Variants in HDAC9 observed in about 807,000 individuals in gnomAD.
HDAC9 encodes MEF-2 interacting transcription repressor (MITR) protein.
Under a neutral mutation model 139.4 loss-of-function variants are expected in HDAC9, and 41 were observed. The ratio of observed to expected loss-of-function variants is 0.29; its 90% confidence interval spans 0.23 to 0.38. HDAC9 has a LOEUF of 0.38. Among genes scored for constraint, HDAC9 ranks in the 10% least tolerant of loss-of-function variants. The pLI, the probability that HDAC9 is intolerant of heterozygous loss-of-function variation, is 1.00. For synonymous variants in HDAC9, 517 were observed against 476.2 expected, an observed-to-expected ratio of 1.09 and a Z score of -1.12; for missense variants, 1,147 against 1,297.0, an observed-to-expected ratio of 0.88 and a Z score of 1.78.
intron 22 of HDAC9, among the ~76,000 whole-genome samples, chr7:18,926,136 G>T (rs1045888056): frequency 6.6e-6 from 1 of 152,064 alleles, no homozygotes; most frequent in African/African-American, 2.4e-5. Flanking sequence ...ATTGCTTCAG[G>T]CCAGGAGTTC....
chr7:18,408,119 A>G (rs1168798683), intron 1 of HDAC9, among the ~76,000 whole-genome samples: 19 of 152,176 alleles, frequency 1.2e-4, no homozygotes, highest in Non-Finnish European at 5.9e-5. Context: ...ATAAGTGTTA[A>G]TACTTATTAG....
intron 2 of HDAC9, among the ~76,000 whole-genome samples, chr7:18,181,692 C>G (rs1584499726): frequency 6.6e-6 from 1 of 152,080 alleles, no homozygotes; most frequent in Non-Finnish European, 1.5e-5. Context: ...CAGGCCTTTA[C>G]AAACTACTCA....
At chr7:18,197,387 A>G (rs985951446) in intron 2 of HDAC9, among the ~76,000 whole-genome samples, 1 of 152,170 alleles carries the variant, frequency 6.6e-6, no homozygotes, top group Non-Finnish European at 1.5e-5. Context: ...GTCAATTTTG[A>G]TGGAAAATAT....
chr7:18,142,238 A>C (rs1785951977), intron 1 of HDAC9, among the ~76,000 whole-genome samples: 1 of 152,174 alleles, frequency 6.6e-6, no homozygotes, highest in South Asian at 2.1e-4. Context: ...AGGATTAGAC[A>C]TGTCTTAATT....
chr7:18,638,239 A>T (rs2129002266), intron 8 of HDAC9, among the ~76,000 whole-genome samples: 1 of 152,204 alleles, frequency 6.6e-6, no homozygotes, highest in South Asian at 2.1e-4. Context: ...AGCCCATGTA[A>T]ATGAATGGGA....
intron 1 of HDAC9, among the ~76,000 whole-genome samples, chr7:18,349,342 ACACACACACACAC>A (rs1782674316): frequency 6.6e-6 from 1 of 151,140 alleles, no homozygotes. Flanking sequence ...ACACACACAC[ACACACACACACAC>A]ACACACAGAT....
chr7:18,671,637 G>A (rs1432385590), intron 12 of HDAC9, among the ~76,000 whole-genome samples: 1 of 151,854 alleles, frequency 6.6e-6, no homozygotes, highest in Admixed American at 6.6e-5. Context: ...TCATGGTGCT[G>A]TGCAGCCATC....
intron 2 of HDAC9, among the ~76,000 whole-genome samples, chr7:18,229,477 C>T (rs1403426855): frequency 6.6e-6 from 1 of 152,160 alleles, no homozygotes; most frequent in Non-Finnish European, 1.5e-5. Flanking sequence ...GGTGCCGTGC[C>T]TGATGTGCCG....
intron 1 of HDAC9, among the ~76,000 whole-genome samples, chr7:18,477,204 A>C (rs892626607): frequency 6.6e-6 from 1 of 152,224 alleles, no homozygotes; most frequent in South Asian, 2.1e-4. Context: ...TAATTATATT[A>C]TAGTCAACTA....
intron 1 of HDAC9, among the ~76,000 whole-genome samples, chr7:18,443,647 C>T (rs1351194208): frequency 6.6e-6 from 1 of 152,066 alleles, no homozygotes; most frequent in Non-Finnish European, 1.5e-5. Flanking sequence ...TGGTTTAAAA[C>T]TAAATATTTA....
At chr7:18,211,339 G>A (rs940074914) in intron 2 of HDAC9, among the ~76,000 whole-genome samples, 10 of 152,150 alleles carry the variant, frequency 6.6e-5, no homozygotes, top group African/African-American at 2.4e-4. Flanking sequence ...CTATTTCTTG[G>A]ATTTAAATAT....
intron 22 of HDAC9, among the ~76,000 whole-genome samples, chr7:18,919,321 G>A (rs1175997633): frequency 6.6e-6 from 1 of 151,952 alleles, no homozygotes; most frequent in Non-Finnish European, 1.5e-5. Context: ...ATGGTAACCA[G>A]TTTGGTGTTA....
At position 18,999,193 on chromosome 7, in the gene HDAC9, A is replaced by T. The variant is rs967492567; in HGVS notation, c.*3131A>T. ...TCCTGGGGATGGAAATATTGCCTTCAGTTTTTACTCCAGCCCTATACGACA... is the reference window on the plus strand; with the variant it reads ...TCCTGGGGATGGAAATATTGCCTTCTGTTTTTACTCCAGCCCTATACGACA... On this transcript the variant is annotated 3_prime_UTR_variant, in exon 26 of 26. Coordinates refer to ENST00000686413, the MANE Select transcript of HDAC9 (RefSeq NM_178425.4). 1 of 152,216 alleles carries T rather than the reference A, an allele frequency of 6.6e-6. No individual in the cohort carries two copies. Among genetic ancestry groups the T allele is most frequent in the Non-Finnish European group, 1.5e-5 (1 of 68,050 alleles). The allele number at this position is 152,216 out of a possible 1,614,324, so 9.4% of individuals were successfully genotyped here. A position where few individuals can be genotyped will look rare whatever the true frequency, so the allele number is the denominator to read the frequency against.
chr7:18,717,433 T>C (rs890821408), intron 12 of HDAC9, among the ~76,000 whole-genome samples: 3 of 146,228 alleles, frequency 2.1e-5, no homozygotes, highest in African/African-American at 7.6e-5. Flanking sequence ...ACAATTTCCT[T>C]TTTTTTTTTT....
At chr7:18,172,411 C>A (rs1788523389) in intron 2 of HDAC9, among the ~76,000 whole-genome samples, 2 of 152,084 alleles carry the variant, frequency 1.3e-5, no homozygotes, top group South Asian at 4.1e-4. Context: ...CTCCTGGATT[C>A]ATTGATTTTT....
chr7:18,641,920 C>A (rs1428669600), intron 8 of HDAC9, among the ~76,000 whole-genome samples: 1 of 152,022 alleles, frequency 6.6e-6, no homozygotes, highest in Non-Finnish European at 1.5e-5. Context: ...AAACGTGGAA[C>A]AGATAGACTG....
At chr7:18,904,892 T>A (rs556364893) in intron 22 of HDAC9, among the ~76,000 whole-genome samples, 116 of 151,028 alleles carry the variant, frequency 7.7e-4, no homozygotes, top group Non-Finnish European at 4.0e-4. Context: ...TTCTTTTTTT[T>A]AACTAGTTTG....
In HDAC9 at chr7:18,334,079, A is replaced by G. The variant is rs1044705754; in HGVS notation, c.-42+43564A>G. Among the ~76,000 whole-genome samples, 10 of 151,528 alleles carry G rather than the reference A, an allele frequency of 6.6e-5. No individual in the cohort carries two copies. In the South Asian group the frequency reaches 2.1e-3, roughly 31 times the overall value. ...AATATCATTTGAGGATTACTTCTCA[A>G]AATGTTTTTACCAGTTAGATTTTCA... On this transcript the variant is annotated intron_variant, in intron 1 of 3. Coordinates refer to the HDAC9 transcript ENST00000413509.
intron 12 of HDAC9, among the ~76,000 whole-genome samples, chr7:18,673,619 T>C (rs1040128602): frequency 6.6e-6 from 1 of 152,108 alleles, no homozygotes; most frequent in African/African-American, 2.4e-5. Context: ...AGAATATACA[T>C]GGTTTGCATT....
Sources: gnomAD v4.1 joint callset for allele counts (sites outside exome capture counted in the v4.1 genomes callset) on GRCh38, gnomAD v4.1.1 for gene constraint, MANE v1.5 for transcripts, NCBI Gene and HGNC (gene_info 2026-07-23, HGNC 2026-07-21) for gene names.